TAFA1: variants seen among roughly 807,000 people sequenced by gnomAD.
TAFA1 encodes the protein chemokine-like protein TAFA-1.
A neutral mutation model predicts 18.5 loss-of-function variants in TAFA1; 4 were observed. The ratio of observed to expected loss-of-function variants is 0.22; its 90% CI spans 0.11 to 0.49. The LOEUF is 0.49. TAFA1 is among the 20% of genes least tolerant of loss of function. The pLI is 0.98. For missense variants in TAFA1, 147 were observed against 169.0 expected, an observed-to-expected ratio of 0.87 and a Z score of 0.72; for synonymous variants, 56 against 55.2, an observed-to-expected ratio of 1.01 and a Z score of -0.06.
intron 3 of TAFA1, among the ~76,000 whole-genome samples, chr3:68,432,213 C>T (rs1381742388): frequency 6.6e-6 from 1 of 151,976 alleles, no homozygotes; most frequent in East Asian, 1.9e-4. Flanking sequence ...GGAAGGACAA[C>T]AGGAGAAGTG....
At chr3:68,037,323 A>G (rs1011420531) in intron 2 of TAFA1, among the ~76,000 whole-genome samples, 1 of 152,158 alleles carries the variant, frequency 6.6e-6, no homozygotes, top group Non-Finnish European at 1.5e-5. Flanking sequence ...GGAAAGGACC[A>G]GATGTGCAGG....
chr3:68,450,161 A>G (rs2071548245), intron 3 of TAFA1, among the ~76,000 whole-genome samples: 1 of 152,224 alleles, frequency 6.6e-6, no homozygotes, highest in Non-Finnish European at 1.5e-5. Context: ...GAGACAATAT[A>G]ACCATGGGAT....
At chr3:68,399,981 CA>C (rs2070457355) in intron 2 of TAFA1, among the ~76,000 whole-genome samples, 3 of 152,186 alleles carry the variant, frequency 2.0e-5, no homozygotes, top group Admixed American at 1.3e-4. Context: ...GGTGAGCTCA[CA>C]TTTTAAAGTT....
chr3:68,225,364 T>C (rs895378117), intron 2 of TAFA1, among the ~76,000 whole-genome samples: 1 of 152,186 alleles, frequency 6.6e-6, no homozygotes, highest in Admixed American at 6.5e-5. Flanking sequence ...GCAACTTTTA[T>C]AGGGTCATCT....
At chr3:68,062,551 A>G (rs2064617763) in intron 2 of TAFA1, among the ~76,000 whole-genome samples, 1 of 152,246 alleles carries the variant, frequency 6.6e-6, no homozygotes, top group Non-Finnish European at 1.5e-5. Context: ...TCTTGACCAA[A>G]CCAATGAAAA....
intron 2 of TAFA1, among the ~76,000 whole-genome samples, chr3:68,099,617 A>G (rs569331897): frequency 6.6e-6 from 1 of 152,296 alleles, no homozygotes; most frequent in South Asian, 2.1e-4. Flanking sequence ...AAACAGAACT[A>G]CCATTCAACC....
intron 3 of TAFA1, among the ~76,000 whole-genome samples, chr3:68,497,365 T>C (rs1051950480): frequency 6.6e-6 from 1 of 152,144 alleles, no homozygotes; most frequent in African/African-American, 2.4e-5. Context: ...GGTAGGAAGA[T>C]ATTTAAAAGG....
chr3:68,533,796 T>G (rs926045979), intron 3 of TAFA1, among the ~76,000 whole-genome samples: 1 of 152,140 alleles, frequency 6.6e-6, no homozygotes, highest in Non-Finnish European at 1.5e-5. Context: ...ACTTATCTGT[T>G]TAGAAACAAA....
chr3:68,252,267 G>T (rs1185628277), intron 2 of TAFA1, among the ~76,000 whole-genome samples: 1 of 152,042 alleles, frequency 6.6e-6, no homozygotes, highest in East Asian at 1.9e-4. Context: ...CTCAAGTCTT[G>T]TCTGCTCTCA....
At chr3:68,120,241 CTTT>C (rs2065381247) in intron 2 of TAFA1, among the ~76,000 whole-genome samples, 1 of 83,334 alleles carries the variant, frequency 1.2e-5, no homozygotes, top group Non-Finnish European at 2.5e-5. Flanking sequence ...TTCTTTCTTT[CTTT>C]CTTTCTTTCT....
chr3:68,145,578 C>T (rs2065729127), intron 2 of TAFA1: 1 of 1,491,128 alleles, frequency 6.7e-7, no homozygotes, highest in Non-Finnish European at 9.3e-7. Context: ...CCCCCAATAC[C>T]CAATGAACAG....
At chr3:68,102,410 A>G (rs1483172314) in intron 2 of TAFA1, among the ~76,000 whole-genome samples, 1 of 152,144 alleles carries the variant, frequency 6.6e-6, no homozygotes, top group Non-Finnish European at 1.5e-5. Context: ...TCTTTGTCCA[A>G]CCATTCAATT....
intron 3 of TAFA1, among the ~76,000 whole-genome samples, chr3:68,422,777 A>G (rs1166890261): frequency 6.6e-6 from 1 of 152,144 alleles, no homozygotes; most frequent in African/African-American, 2.4e-5. Flanking sequence ...TTATAAAAGC[A>G]TTATATCCTT....
intron 2 of TAFA1, among the ~76,000 whole-genome samples, chr3:68,028,389 A>C (rs1704861738): frequency 6.6e-6 from 1 of 151,552 alleles, no homozygotes; most frequent in Non-Finnish European, 1.5e-5. Context: ...ACATATAAAG[A>C]AGTTGAACAA....
intron 3 of TAFA1, among the ~76,000 whole-genome samples, chr3:68,484,168 ATTCT>A (rs1041806086): frequency 3.3e-5 from 5 of 152,248 alleles, no homozygotes; most frequent in African/African-American, 9.6e-5. Context: ...GTTATTTTAC[ATTCT>A]TTCTTCTTTG....
intron 2 of TAFA1, among the ~76,000 whole-genome samples, chr3:68,035,735 T>C (rs1705032888): frequency 6.6e-6 from 1 of 152,202 alleles, no homozygotes; most frequent in Admixed American, 6.5e-5. Flanking sequence ...GTGTGAATAT[T>C]GATAGAAGCG....
chr3:68,435,711 G>A (rs922203081), intron 3 of TAFA1, among the ~76,000 whole-genome samples: 4 of 152,164 alleles, frequency 2.6e-5, no homozygotes, highest in African/African-American at 7.2e-5. Context: ...GGAAATCTTG[G>A]CATCTTAGCC....
intron 3 of TAFA1, among the ~76,000 whole-genome samples, chr3:68,523,790 C>T (rs1223687670): frequency 6.6e-6 from 1 of 152,064 alleles, no homozygotes; most frequent in African/African-American, 2.4e-5. Flanking sequence ...CCCAGTAAAT[C>T]CAAGGGCAAA....
At chr3:68,077,780 T>C (rs2064845486) in intron 2 of TAFA1, among the ~76,000 whole-genome samples, 1 of 152,014 alleles carries the variant, frequency 6.6e-6, no homozygotes, top group Non-Finnish European at 1.5e-5. Flanking sequence ...TAGGATAGAC[T>C]TGGCGATGCG....
Sources: gnomAD v4.1 joint callset for allele counts (sites outside exome capture counted in the v4.1 genomes callset) on GRCh38, gnomAD v4.1.1 for gene constraint, MANE v1.5 for transcripts, NCBI Gene and HGNC (gene_info 2026-07-23, HGNC 2026-07-21) for gene names.